The following CNTNAP2 variants were observed in gnomAD, a reference collection of about 807,000 sequenced individuals.
CNTNAP2 encodes the protein contactin associated protein 2.
CNTNAP2 carries 98 observed loss-of-function variants against 155.2 expected under a neutral mutation model. The observed-to-expected ratio is 0.63, with a 90% CI of 0.54 to 0.75. The LOEUF is 0.75. CNTNAP2 is among the 30% of genes least tolerant of loss of function. The pLI, the probability that CNTNAP2 is intolerant of heterozygous loss-of-function variation, is 0.00. For missense variants in CNTNAP2, 1,727 were observed against 1,688.1 expected, an observed-to-expected ratio of 1.02 and a Z score of -0.40; for synonymous variants, 651 against 631.2, an observed-to-expected ratio of 1.03 and a Z score of -0.47.
chr7:148,320,387 T>C (rs1407089549), intron 21 of CNTNAP2, among the ~76,000 whole-genome samples: 8 of 137,158 alleles, frequency 5.8e-5, no homozygotes, highest in Non-Finnish European at 1.1e-4. Flanking sequence ...TTTTTTTTTT[T>C]TTTTTTTTTT....
At chr7:146,806,014 G>T (rs1248865263) in intron 2 of CNTNAP2, among the ~76,000 whole-genome samples, 1 of 152,124 alleles carries the variant, frequency 6.6e-6, no homozygotes, top group Non-Finnish European at 1.5e-5. Context: ...ATCTCATTTA[G>T]TAGCATGCCA....
intron 16 of CNTNAP2, chr7:148,133,802 T>A (rs1459377691): frequency 6.6e-6 from 1 of 152,166 alleles, no homozygotes; most frequent in Non-Finnish European, 1.5e-5. Flanking sequence ...TGTGAATGGT[T>A]AGTGGTCTCT....
At chr7:146,426,394 T>C (rs1796090649) in intron 1 of CNTNAP2, among the ~76,000 whole-genome samples, 1 of 73,270 alleles carries the variant, frequency 1.4e-5, no homozygotes, top group African/African-American at 5.5e-5. Flanking sequence ...TGTATATATA[T>C]ATATATATAT....
chr7:147,936,043 GGAT>G (rs781721478), intron 14 of CNTNAP2, among the ~76,000 whole-genome samples: 10 of 152,068 alleles, frequency 6.6e-5, no homozygotes, highest in African/African-American at 2.4e-4. Context: ...GTGCCTGTTT[GGAT>G]GATAAGAAAA....
chr7:146,129,904 G>A (rs1025270309), intron 1 of CNTNAP2, among the ~76,000 whole-genome samples: 1 of 152,058 alleles, frequency 6.6e-6, no homozygotes, highest in Non-Finnish European at 1.5e-5. Flanking sequence ...AGTGATTAAG[G>A]AAACTCTTTC....
Position 148,221,522 on chromosome 7 carries a change from T to G in CNTNAP2, c.3247+3998T>G, listed in dbSNP as rs369246423. 1.4e-3 allele frequency among the ~76,000 whole-genome samples: 216 copies of G among 152,300 alleles called. 2 individuals carry two copies. Among genetic ancestry groups the G allele is most frequent in the African/African-American group, 4.2e-3 (176 of 41,564 alleles). On this transcript the variant is annotated intron_variant, in intron 19 of 23. Coordinates refer to ENST00000361727, the MANE Select transcript of CNTNAP2 (RefSeq NM_014141.6). ...CACTGTTACAAGACTATCCTCAAAC[T>G]GCTGGTGAAAATTCAGCTTTTTCAG... is the stretch of plus-strand genomic sequence containing the variant.
At chr7:147,801,461 C>G (rs1345510685) in intron 13 of CNTNAP2, among the ~76,000 whole-genome samples, 30 of 151,950 alleles carry the variant, frequency 2.0e-4, no homozygotes, top group Admixed American at 5.2e-4. Flanking sequence ...CTAGGCAGAG[C>G]ACCCTGCGGC....
chr7:146,116,818 A>G lies in CNTNAP2; in HGVS notation c.-59A>G. On this transcript the variant is annotated 5_prime_UTR_variant, in exon 1 of 24. Coordinates refer to ENST00000361727, the MANE Select transcript of CNTNAP2 (RefSeq NM_014141.6). The surrounding 1 kb of genome is among the most constrained non-coding windows in gnomAD (Gnocchi z 5.5). ...CCATCTCCCTTCAAGAACCCTACGG[A>G]GAGTCGGACTGCATCTCCGCAGCGA... 7.4e-7 allele frequency: 1 copy of G among 1,360,024 alleles called. No homozygotes were observed. Among genetic ancestry groups the G allele is most frequent in the Non-Finnish European group, 1.0e-6 (1 of 987,554 alleles). 84.2% of individuals were successfully genotyped at this position (1,360,024 alleles called of 1,614,324 possible). A position where few individuals can be genotyped will look rare whatever the true frequency, so the allele number is the denominator to read the frequency against.
intron 1 of CNTNAP2, among the ~76,000 whole-genome samples, chr7:146,312,433 CAT>C (rs1459983868): frequency 3.3e-5 from 5 of 152,020 alleles, no homozygotes; most frequent in South Asian, 2.1e-4. Flanking sequence ...GTGTAATTAA[CAT>C]ATTTTATTGA....
chr7:146,221,857 T>A (rs1329791553), intron 1 of CNTNAP2, among the ~76,000 whole-genome samples: 1 of 152,210 alleles, frequency 6.6e-6, no homozygotes, highest in Non-Finnish European at 1.5e-5. Context: ...GTATTTTTCT[T>A]AAGTCAATAC....
intron 13 of CNTNAP2, among the ~76,000 whole-genome samples, chr7:147,704,113 G>A (rs1796275642): frequency 6.6e-6 from 1 of 152,104 alleles, no homozygotes; most frequent in African/African-American, 2.4e-5. Context: ...GTATTCCATT[G>A]TGTACATACA....
chr7:146,619,995 G>A (rs780720389), intron 1 of CNTNAP2, among the ~76,000 whole-genome samples: 6 of 152,126 alleles, frequency 3.9e-5, no homozygotes, highest in Non-Finnish European at 5.9e-5. Context: ...TCTCACAACA[G>A]AGTAACTAGT....
intron 10 of CNTNAP2, among the ~76,000 whole-genome samples, chr7:147,434,348 G>T (rs1226336326): frequency 6.6e-6 from 1 of 152,118 alleles, no homozygotes; most frequent in Non-Finnish European, 1.5e-5. Context: ...CACGTTTGTA[G>T]TGTATTTCTA....
chr7:146,190,678 A>G (rs183121132), intron 1 of CNTNAP2, among the ~76,000 whole-genome samples: 88 of 152,330 alleles, frequency 5.8e-4, no homozygotes, highest in African/African-American at 2.0e-3. Flanking sequence ...GATAATGGAA[A>G]GTAAAGCAGA....
intron 1 of CNTNAP2, among the ~76,000 whole-genome samples, chr7:146,213,700 G>T (rs1799071088): frequency 6.6e-6 from 1 of 152,144 alleles, no homozygotes; most frequent in Non-Finnish European, 1.5e-5. Context: ...CCCAAGCCAT[G>T]TTCTCTAATT....
At chr7:146,694,501 C>T (rs1800750328) in intron 1 of CNTNAP2, among the ~76,000 whole-genome samples, 1 of 152,190 alleles carries the variant, frequency 6.6e-6, no homozygotes, top group Non-Finnish European at 1.5e-5. Flanking sequence ...GTCTTGATCA[C>T]TATGGCCTAA....
chr7:146,345,857 T>G (rs773159840), intron 1 of CNTNAP2, among the ~76,000 whole-genome samples: 76 of 152,256 alleles, frequency 5.0e-4, no homozygotes, highest in Admixed American at 9.8e-4. Context: ...AGAAACGGTA[T>G]GTAAGACACG....
chr7:148,273,213 A>G (rs1796813838), intron 21 of CNTNAP2, among the ~76,000 whole-genome samples: 1 of 152,236 alleles, frequency 6.6e-6, no homozygotes, highest in Non-Finnish European at 1.5e-5. Flanking sequence ...GATATAGCCT[A>G]AATAAACTTT....
intron 1 of CNTNAP2, among the ~76,000 whole-genome samples, chr7:146,226,518 G>A (rs866789835): frequency 6.6e-5 from 10 of 152,194 alleles, no homozygotes; most frequent in Middle Eastern, 6.8e-3. Flanking sequence ...AATTGACCAG[G>A]CATGGTGGTG....
Sources: allele counts gnomAD v4.1 joint callset (sites outside exome capture counted in the v4.1 genomes callset), GRCh38; gene constraint gnomAD v4.1.1; non-coding constraint Gnocchi (gnomAD v3.1); transcripts MANE v1.5; gene names NCBI Gene and HGNC (gene_info 2026-07-23, HGNC 2026-07-21).